The following GLYAT variants were observed in gnomAD, a reference collection of about 807,000 sequenced individuals.
The protein encoded by GLYAT is glycine-N-acyltransferase, also known as glycine N-acyltransferase.
In GLYAT, 25 loss-of-function variants were observed where a neutral mutation model predicts 22.8. The observed-to-expected ratio is 1.09, with a 90% CI of 0.80 to 1.53. The LOEUF is 1.53. Ranked by LOEUF, GLYAT falls within the 40% of genes most tolerant of loss-of-function variation. The pLI is 0.00. For synonymous variants in GLYAT, 140 were observed against 122.7 expected (o/e 1.14, Z -0.93); for missense variants, 411 against 353.9 (o/e 1.16, Z -1.29).
intron 4 of GLYAT, 81 bp from the exon 5 acceptor site, chr11:58,710,842 G>T (rs1239089965): frequency 2.4e-6 from 2 of 830,370 alleles, no homozygotes; most frequent in Non-Finnish European, 2.0e-6. Flanking sequence ...GAAGTGTCTG[G>T]GATTTAGTAT....
rs933902924 is a variant in GLYAT at position 58,710,141 on chromosome 11, G to A, written c.516C>T (p.Ser172=). ...AINQEMFKLS[S]MDVTHAHLVN... is the part of the protein sequence containing the mutation. ...CCAAGTGAGCATGGGTAACATCCAT[G>A]GATGAGAGTTTAAACATCTCTTGGT... Residue 172 remains serine (S), a synonymous_variant, in exon 6 of 6, where the codon TCC becomes TCT. Transcript: ENST00000344743. The A allele has an allele frequency of 2.5e-6, 4 of 1,613,658 alleles. No individual in the cohort carries two copies. Among genetic ancestry groups the A allele is most frequent in the Non-Finnish European group, 2.5e-6 (3 of 1,179,722 alleles).
At chr11:58,725,731 C>A (rs547178) in intron 1 of GLYAT, among the ~76,000 whole-genome samples, 28 of 151,534 alleles carry the variant, frequency 1.8e-4, no homozygotes, top group Non-Finnish European at 3.7e-4. Context: ...GCCAAGTGGG[C>A]GACCTGAGAG....
At chr11:58,716,782 C>G (rs1049072127) in intron 2 of GLYAT, among the ~76,000 whole-genome samples, 1 of 152,138 alleles carries the variant, frequency 6.6e-6, no homozygotes, top group African/African-American at 2.4e-5. Flanking sequence ...ACCCGTGAAA[C>G]AGCCTTGGGA....
chr11:58,730,825 G>T (rs1289322263), intron 1 of GLYAT, among the ~76,000 whole-genome samples: 1 of 152,172 alleles, frequency 6.6e-6, no homozygotes, highest in Non-Finnish European at 1.5e-5. Context: ...ACATAAGCAA[G>T]TCTGAACAAA....
intron 3 of GLYAT, among the ~76,000 whole-genome samples, chr11:58,714,237 A>T (rs1442800863): frequency 6.6e-6 from 1 of 152,170 alleles, no homozygotes; most frequent in Non-Finnish European, 1.5e-5. Context: ...AGGAGGAATA[A>T]GTTCAAGAGA....
intron 2 of GLYAT, among the ~76,000 whole-genome samples, chr11:58,717,286 T>C (rs1322893605): frequency 6.6e-6 from 1 of 152,118 alleles, no homozygotes; most frequent in Admixed American, 6.6e-5. Flanking sequence ...AATCTCATTT[T>C]TAGCATGTTG....
chr11:58,715,285 T>C (rs1460753229), intron 3 of GLYAT, 31 bp downstream of exon 3: 3 of 931,918 alleles, frequency 3.2e-6, no homozygotes, highest in South Asian at 2.6e-5. Flanking sequence ...CTAATATAAA[T>C]ATAGAAGAAT....
At chr11:58,717,701 C>CTT (rs1465927799) in intron 2 of GLYAT, among the ~76,000 whole-genome samples, 1 of 152,000 alleles carries the variant, frequency 6.6e-6, no homozygotes, top group Non-Finnish European at 1.5e-5. Context: ...GTACTATAGT[C>CTT]TTGAAATATA....
At position 58,710,061 on chromosome 11, in the gene GLYAT, C is replaced by T. The variant is rs145499766; in HGVS notation, c.596G>A (p.Arg199His). Residue 199 changes from arginine (R) to histidine (H), a missense_variant, in exon 6 of 6, where the codon CGC becomes CAC. Arg to His is a conservative substitution (Grantham distance 29). Transcript: ENST00000344743. ...GNERSQRFIE[R>H]CIQTFPTCCL... ...GCAGGTGGGAAAGGTCTGAATGCAGCGCTCAATGAATCTCTGGCTCCTCTC... is the reference window on the plus strand; with the variant it reads ...GCAGGTGGGAAAGGTCTGAATGCAGTGCTCAATGAATCTCTGGCTCCTCTC... The T allele has an allele frequency of 3.6e-4, 576 of 1,613,994 alleles. No individual in the cohort carries two copies. The highest frequency in any genetic ancestry group is 4.5e-4 in the Admixed American group (27 of 60,012).
intron 1 of GLYAT, among the ~76,000 whole-genome samples, chr11:58,724,719 T>A (rs745567595): frequency 5.3e-5 from 8 of 152,122 alleles, no homozygotes; most frequent in Non-Finnish European, 7.4e-5. Flanking sequence ...TACCCTTTGA[T>A]GAATTCCAGC....
intron 3 of GLYAT, among the ~76,000 whole-genome samples, chr11:58,714,776 C>T (rs72925778): frequency 6.6e-6 from 1 of 151,996 alleles, no homozygotes; most frequent in Admixed American, 6.5e-5. Flanking sequence ...GTAAGTTTCC[C>T]GAGGCCTTCC....
At chr11:58,727,571 T>C (rs1246851467) in intron 1 of GLYAT, among the ~76,000 whole-genome samples, 1 of 152,118 alleles carries the variant, frequency 6.6e-6, no homozygotes, top group East Asian at 1.9e-4. Flanking sequence ...CATTAGTTCA[T>C]TACGTCTGCT....
At chr11:58,719,383 A>T (rs1180842417) in intron 2 of GLYAT, among the ~76,000 whole-genome samples, 1 of 152,038 alleles carries the variant, frequency 6.6e-6, no homozygotes, top group Non-Finnish European at 1.5e-5. Flanking sequence ...TAACTTCCTT[A>T]AGCCTCTTAT....
chr11:58,709,843 T>C lies in GLYAT; in HGVS notation c.814A>G (p.Met272Val), dbSNP rs1484260160. The part of the protein sequence containing the change: ...YSHVDYSNEA[M>V]QKMSYTLQHV... ...TGCAGTGTGTAACTCATTTTTTGCA[T>C]AGCTTCATTGCTGTAGTCTACATGA... Residue 272 changes from methionine to valine, a missense_variant, in exon 6 of 6, where the codon ATG becomes GTG. Physicochemically the swap from Met to Val is conservative, Grantham distance 21. Transcript: ENST00000344743. 2 of 1,614,044 alleles carry C rather than the reference T, an allele frequency of 1.2e-6. No homozygotes were observed. The highest frequency in any genetic ancestry group is 1.7e-6 in the Non-Finnish European group (2 of 1,179,880).
At chr11:58,721,364 A>G (rs908698659) in intron 2 of GLYAT, among the ~76,000 whole-genome samples, 3 of 99,332 alleles carry the variant, frequency 3.0e-5, no homozygotes, top group Non-Finnish European at 7.2e-5. Context: ...TTAAAAATAA[A>G]ATTAAACTTC....
rs1856573275 is a variant in GLYAT at position 58,708,868 on chromosome 11, C to G, written c.*898G>C. On this transcript the variant is annotated 3_prime_UTR_variant, in exon 6 of 6. Coordinates refer to ENST00000344743, the MANE Select transcript of GLYAT (RefSeq NM_201648.3). Reference sequence around the variant, plus strand: ...GGTATTTTGTTACAGCAGGAACAAACTGAGATTAGTAATGTGCTGAGGCTA... The same window carrying G: ...GGTATTTTGTTACAGCAGGAACAAAGTGAGATTAGTAATGTGCTGAGGCTA... The G allele has an allele frequency of 6.6e-6, 1 of 152,140 alleles. No homozygotes were observed. Among genetic ancestry groups the G allele is most frequent in the Non-Finnish European group, 1.5e-5 (1 of 68,032 alleles). The allele number at this position is 152,140 out of a possible 1,614,324, so 9.4% of individuals were successfully genotyped here. A position where few individuals can be genotyped will look rare whatever the true frequency, so the allele number is the denominator to read the frequency against.
intron 3 of GLYAT, among the ~76,000 whole-genome samples, chr11:58,713,234 C>A (rs570572391): frequency 6.6e-6 from 1 of 152,172 alleles, no homozygotes; most frequent in African/African-American, 2.4e-5. Flanking sequence ...CTTTATCTAA[C>A]TGTGGGTTTG....
Position 58,712,902 on chromosome 11 carries a change from A to G in GLYAT, c.190-16T>C, listed in dbSNP as rs756927994. 5 of 1,533,702 alleles carry G rather than the reference A, an allele frequency of 3.3e-6. No individual in the cohort carries two copies. The African/African-American group carries it at 6.8e-5, about 21-fold the overall frequency. ...CTGTCATATCCTGTTATCATTAGGA[A>G]AAAGGAAATAAAACACATCCTTATA... On this transcript the variant is annotated splice_polypyrimidine_tract_variant and intron_variant, in intron 3 of 5. Coordinates refer to ENST00000344743, the MANE Select transcript of GLYAT (RefSeq NM_201648.3).
intron 3 of GLYAT, among the ~76,000 whole-genome samples, chr11:58,714,436 T>C (rs1417358172): frequency 6.6e-6 from 1 of 152,202 alleles, no homozygotes; most frequent in East Asian, 1.9e-4. Context: ...AATGTGTTAA[T>C]TGTTTAGTTT....
Sources: allele counts gnomAD v4.1 joint callset (sites outside exome capture counted in the v4.1 genomes callset), GRCh38; gene constraint gnomAD v4.1.1; transcripts MANE v1.5; gene names NCBI Gene and HGNC (gene_info 2026-07-23, HGNC 2026-07-21).